RPS6KC1: variants seen among roughly 807,000 people sequenced by gnomAD.
The protein encoded by RPS6KC1 is inactive ribosomal protein S6 kinase delta-1.
Under a neutral mutation model 103.8 loss-of-function variants are expected in RPS6KC1, and 54 were observed. The ratio of observed to expected loss-of-function variants is 0.52; its 90% CI spans 0.42 to 0.65. The LOEUF (loss-of-function observed/expected upper bound fraction) is 0.65. RPS6KC1 is among the 30% of genes least tolerant of loss of function. RPS6KC1 has a pLI of 0.00. For missense variants in RPS6KC1, 1,151 were observed against 1,253.8 expected (o/e 0.92, Z 1.24); for synonymous variants, 439 against 438.7 (o/e 1.00, Z -0.01).
the RPS6KC1 span, among the ~76,000 whole-genome samples, chr1:213,673,864 G>T: frequency 6.6e-6 from 1 of 151,814 alleles, no homozygotes; most frequent in Non-Finnish European, 1.5e-5. Context: ...TGATTCAGGG[G>T]GTACATGTAT....
At chr1:213,564,612 C>T in the RPS6KC1 span, among the ~76,000 whole-genome samples, 1 of 152,296 alleles carries the variant, frequency 6.6e-6, no homozygotes, top group East Asian at 1.9e-4. Flanking sequence ...TTCTTTGTCA[C>T]CATATCAACA....
At chr1:213,857,903 A>G in the RPS6KC1 span, among the ~76,000 whole-genome samples, 4 of 152,202 alleles carry the variant, frequency 2.6e-5, no homozygotes, top group Non-Finnish European at 5.9e-5. Context: ...CAAGGGTTTA[A>G]CAAAGTGAAA....
intron 8 of RPS6KC1, among the ~76,000 whole-genome samples, chr1:213,179,628 G>T (rs2092133679): frequency 6.6e-6 from 1 of 152,012 alleles, no homozygotes; most frequent in African/African-American, 2.4e-5. Flanking sequence ...CTTTGATTCT[G>T]TTTCATTACA....
chr1:213,172,259 T>C (rs1043243778), intron 7 of RPS6KC1, among the ~76,000 whole-genome samples: 2 of 151,940 alleles, frequency 1.3e-5, no homozygotes, highest in African/African-American at 4.8e-5. Context: ...AAAAAGACAG[T>C]GGGCAGGCTG....
chr1:213,854,415 G>A, the RPS6KC1 span, among the ~76,000 whole-genome samples: 1 of 152,140 alleles, frequency 6.6e-6, no homozygotes, highest in Non-Finnish European at 1.5e-5. Context: ...GACTCCATTT[G>A]GAGTAGGTTT....
chr1:213,819,747 A>T, the RPS6KC1 span: 4 of 152,358 alleles, frequency 2.6e-5, no homozygotes, highest in African/African-American at 9.6e-5. Context: ...TGCTGTTGTC[A>T]TGAATATTAC....
chr1:213,470,626 T>G, the RPS6KC1 span, among the ~76,000 whole-genome samples: 80 of 148,308 alleles, frequency 5.4e-4, no homozygotes, highest in Non-Finnish European at 9.3e-4. Flanking sequence ...TTTTTTTTTT[T>G]TTTTTTTTTT....
the RPS6KC1 span, among the ~76,000 whole-genome samples, chr1:213,571,885 G>A: frequency 6.6e-6 from 1 of 152,282 alleles, no homozygotes; most frequent in South Asian, 2.1e-4. Context: ...GATTCAGTAG[G>A]TCCGGAGGAG....
the RPS6KC1 span, among the ~76,000 whole-genome samples, chr1:213,411,128 C>T: frequency 6.6e-6 from 1 of 152,278 alleles, no homozygotes; most frequent in South Asian, 2.1e-4. Flanking sequence ...CCACTCATCT[C>T]TTTTTCCACC....
chr1:213,231,965 C>T (rs1216261508), intron 9 of RPS6KC1, among the ~76,000 whole-genome samples, 158 bp from the exon 10 acceptor site: 1 of 152,150 alleles, frequency 6.6e-6, no homozygotes, highest in African/African-American at 2.4e-5. Flanking sequence ...GCAGAGCCTC[C>T]AGGGACTGGG....
intron 12 of RPS6KC1, among the ~76,000 whole-genome samples, chr1:213,248,956 G>C (rs954824137): frequency 6.6e-6 from 1 of 152,136 alleles, no homozygotes; most frequent in African/African-American, 2.4e-5. Context: ...AATACTACCT[G>C]ATATTTGGAG....
chr1:213,195,692 T>C (rs995886742), intron 8 of RPS6KC1, among the ~76,000 whole-genome samples: 5 of 152,188 alleles, frequency 3.3e-5, no homozygotes, highest in African/African-American at 1.2e-4. Flanking sequence ...CTCCTACTTA[T>C]AAGTGAGAAC....
At chr1:213,490,083 G>A in the RPS6KC1 span, among the ~76,000 whole-genome samples, 1 of 152,196 alleles carries the variant, frequency 6.6e-6, no homozygotes, top group Admixed American at 6.5e-5. Flanking sequence ...TTAGGGGTTT[G>A]TGACAATCCT....
chr1:213,675,574 T>A, the RPS6KC1 span, among the ~76,000 whole-genome samples: 2 of 152,136 alleles, frequency 1.3e-5, no homozygotes, highest in Non-Finnish European at 2.9e-5. Flanking sequence ...CTTAGAGTGG[T>A]CTTTCTAAAT....
At chr1:213,267,337 A>C (rs1044013548) in intron 14 of RPS6KC1, among the ~76,000 whole-genome samples, 1 of 151,980 alleles carries the variant, frequency 6.6e-6, no homozygotes, top group Non-Finnish European at 1.5e-5. Context: ...GCACATTACA[A>C]TGCAGTGGGA....
chr1:213,756,455 A>G, the RPS6KC1 span, among the ~76,000 whole-genome samples: 1 of 152,318 alleles, frequency 6.6e-6, no homozygotes, highest in South Asian at 2.1e-4. Context: ...TGCACTTCAC[A>G]GATATTCAGG....
the RPS6KC1 span, among the ~76,000 whole-genome samples, chr1:213,426,342 A>G: frequency 6.6e-6 from 1 of 152,000 alleles, no homozygotes; most frequent in African/African-American, 2.4e-5. Context: ...CTCCTTCATA[A>G]CCTGGGAGAG....
chr1:213,261,390 C>T (rs370894136), intron 12 of RPS6KC1, among the ~76,000 whole-genome samples, 168 bp from the exon 13 acceptor site: 32 of 151,934 alleles, frequency 2.1e-4, no homozygotes, highest in East Asian at 1.2e-3. Flanking sequence ...TATATGCAAC[C>T]GCAGTAGGTG....
At chr1:213,520,827 AAT>A in the RPS6KC1 span, among the ~76,000 whole-genome samples, 1 of 152,240 alleles carries the variant, frequency 6.6e-6, no homozygotes, top group Non-Finnish European at 1.5e-5. Flanking sequence ...CTTAAAACAA[AAT>A]ATAACAAACA....
Sources: allele counts gnomAD v4.1 joint callset (sites outside exome capture counted in the v4.1 genomes callset), GRCh38; gene constraint gnomAD v4.1.1; transcripts MANE v1.5; gene names NCBI Gene and HGNC (gene_info 2026-07-23, HGNC 2026-07-21).